The following HIVEP1 variants were observed in gnomAD, a reference collection of about 807,000 sequenced individuals.
HIVEP1 encodes the protein HIVEP zinc finger 1.
HIVEP1 carries 36 observed loss-of-function variants against 180.0 expected under a neutral mutation model. That is an observed-to-expected ratio of 0.20 (90% confidence interval 0.15 to 0.26). The LOEUF (loss-of-function observed/expected upper bound fraction) is 0.26. HIVEP1 is among the 10% of genes least tolerant of loss of function. The pLI is 1.00. For synonymous variants in HIVEP1, 1,239 were observed against 1,239.0 expected, an observed-to-expected ratio of 1.00 and a Z score of 0.00; for missense variants, 3,143 against 3,268.7, an observed-to-expected ratio of 0.96 and a Z score of 0.94.
In HIVEP1 at chr6:12,124,788, C is replaced by T. The variant is rs1301367365; in HGVS notation, c.4993C>T (p.Pro1665Ser). ...ACAAATACTAGTGACCCAAGATCTG[C>T]CCAATCAGCCAATTTGCCAGACTAA... ...LPQILVTQDL[P>S]NQPICQTNHS... Residue 1665 changes from proline to serine, a missense_variant, in exon 4 of 9, where the codon CCC becomes TCC. This residue lies in a region of HIVEP1 where 1,357 missense variants were observed against 1,260.5 expected (regional missense o/e 1.08). Coordinates refer to ENST00000379388, the MANE Select transcript of HIVEP1 (RefSeq NM_002114.4). 1 of 1,614,112 alleles carries T rather than the reference C, an allele frequency of 6.2e-7. No homozygotes were observed. Among genetic ancestry groups the T allele is most frequent in the Non-Finnish European group, 8.5e-7 (1 of 1,179,982 alleles).
At chr6:12,017,956 GC>G (rs1365754015) in intron 2 of HIVEP1, among the ~76,000 whole-genome samples, 2 of 152,216 alleles carry the variant, frequency 1.3e-5, no homozygotes, top group Non-Finnish European at 2.9e-5. Flanking sequence ...ATGGGACTGG[GC>G]GCCTAGGAAC....
intron 2 of HIVEP1, among the ~76,000 whole-genome samples, chr6:12,023,787 G>T (rs1768405225): frequency 6.6e-6 from 1 of 152,104 alleles, no homozygotes; most frequent in Non-Finnish European, 1.5e-5. Context: ...ATTAACCAGA[G>T]TAATGATTTT....
chr6:12,036,194 G>T (rs1235683339), intron 2 of HIVEP1, among the ~76,000 whole-genome samples: 1 of 152,218 alleles, frequency 6.6e-6, no homozygotes. Context: ...GAAGCAAAAA[G>T]ATATTTGTTC....
At chr6:12,016,186 T>G (rs1458854570) in intron 2 of HIVEP1, among the ~76,000 whole-genome samples, 1 of 152,198 alleles carries the variant, frequency 6.6e-6, no homozygotes, top group African/African-American at 2.4e-5. Context: ...GAAGAAGCAG[T>G]GGGTCACAAA....
At chr6:12,129,135 A>G (rs1448919760) in intron 4 of HIVEP1, among the ~76,000 whole-genome samples, 6 of 152,296 alleles carry the variant, frequency 3.9e-5, no homozygotes, top group East Asian at 1.9e-4. Flanking sequence ...TCTTGAGCCC[A>G]GGAGTTTGAG....
the HIVEP1 span, among the ~76,000 whole-genome samples, chr6:12,179,533 T>G: frequency 6.6e-6 from 1 of 152,200 alleles, no homozygotes; most frequent in East Asian, 1.9e-4. Context: ...TATGAGCCAG[T>G]GGTCACCACC....
At chr6:12,155,507 G>A (rs1759981877) in intron 7 of HIVEP1, among the ~76,000 whole-genome samples, 1 of 151,938 alleles carries the variant, frequency 6.6e-6, no homozygotes, top group Admixed American at 6.6e-5. Flanking sequence ...AAAACATGCG[G>A]TATTTGGTTT....
the HIVEP1 span, among the ~76,000 whole-genome samples, chr6:12,209,718 T>C: frequency 2.0e-5 from 3 of 152,222 alleles, no homozygotes; most frequent in Non-Finnish European, 4.4e-5. Flanking sequence ...CGTGTATTGG[T>C]TCATTATACA....
the HIVEP1 span, among the ~76,000 whole-genome samples, chr6:12,178,954 T>C: frequency 6.6e-6 from 1 of 152,216 alleles, no homozygotes; most frequent in Non-Finnish European, 1.5e-5. Flanking sequence ...CCAAGACATG[T>C]TTTGAGATAA....
rs367630527 is a variant in HIVEP1, at chr6:12,023,305, T to G, written c.40+7637T>G. ...TTTACTTGTTATGTAGGGATTATCT[T>G]GTTGAGCTGATAAGTGGAGTAGGTT... On this transcript the variant is annotated intron_variant, in intron 2 of 8. Transcript: ENST00000379388. Among the ~76,000 whole-genome samples the G allele has an allele frequency of 4.6e-4, 70 of 152,342 alleles. 1 individual carries two copies. In the South Asian group the frequency reaches 0.012, roughly 27 times the overall value.
intron 2 of HIVEP1, among the ~76,000 whole-genome samples, chr6:12,025,791 G>A (rs1056886233): frequency 3.9e-5 from 6 of 152,346 alleles, no homozygotes; most frequent in African/African-American, 1.4e-4. Context: ...TGTAATCCCA[G>A]CACTTTGGGA....
At chr6:12,059,552 C>G (rs1268471928) in intron 2 of HIVEP1, among the ~76,000 whole-genome samples, 2 of 152,202 alleles carry the variant, frequency 1.3e-5, no homozygotes, top group Non-Finnish European at 2.9e-5. Context: ...ATGATCTTGA[C>G]TGCTTCTTCT....
In HIVEP1 at chr6:12,122,999, C is replaced by T. The variant is rs114781166; in HGVS notation, c.3204C>T (p.Pro1068=). 21,385 of 1,614,152 alleles carry T rather than the reference C, an allele frequency of 0.013. 175 individuals carry two copies. Among genetic ancestry groups the T allele is most frequent in the Non-Finnish European group, 0.017 (19,675 of 1,179,994 alleles). The change falls in exon 4 of 9, where the codon CCC becomes CCT. Residue 1068 remains proline, a synonymous_variant. Transcript: ENST00000379388. ...TTCAGAATGCTCTGGGCTGTAATCCCAGTTTGCCTAAACATAATGTTACCA... is the reference window on the plus strand; with the variant it reads ...TTCAGAATGCTCTGGGCTGTAATCCTAGTTTGCCTAAACATAATGTTACCA... ...LQFQNALGCN[P]SLPKHNVTIR... is the part of the protein sequence containing the mutation.
chr6:12,129,139 G>A (rs1758268307), intron 4 of HIVEP1, among the ~76,000 whole-genome samples: 1 of 152,190 alleles, frequency 6.6e-6, no homozygotes, highest in African/African-American at 2.4e-5. Context: ...GAGCCCAGGA[G>A]TTTGAGGCTG....
At chr6:12,178,071 T>C in the HIVEP1 span, among the ~76,000 whole-genome samples, 3 of 152,176 alleles carry the variant, frequency 2.0e-5, no homozygotes, top group Non-Finnish European at 4.4e-5. Context: ...GGGAAAGGCT[T>C]GCAGGTAAGA....
Position 12,080,378 on chromosome 6 carries a change from CT to C in HIVEP1, c.41-8803del, listed in dbSNP as rs201432885. Among the ~76,000 whole-genome samples, 1,080 of 152,270 alleles carry C rather than the reference CT, an allele frequency of 7.1e-3. 8 individuals are homozygous for C. The highest frequency in any genetic ancestry group is 0.024 in the African/African-American group (1,018 of 41,564). ...ACATATTTAGTATAAGGGGGAACTT[CT>C]TTCCCCCACTATTAAAAGTGCAGTT... On this transcript the variant is annotated intron_variant, in intron 2 of 8. Coordinates refer to ENST00000379388, the MANE Select transcript of HIVEP1 (RefSeq NM_002114.4).
chr6:12,196,622 A>G, the HIVEP1 span, among the ~76,000 whole-genome samples: 7 of 152,116 alleles, frequency 4.6e-5, no homozygotes, highest in African/African-American at 1.7e-4. Context: ...TCCTGCTTCA[A>G]AAATCCTTCC....
At chr6:12,136,501 A>G (rs1466180871) in intron 7 of HIVEP1, among the ~76,000 whole-genome samples, 8 of 152,128 alleles carry the variant, frequency 5.3e-5, no homozygotes, top group Admixed American at 1.3e-4. Context: ...GTATTTTACA[A>G]TTTCCTCCCT....
At chr6:12,134,727 G>A (rs1758612632) in intron 6 of HIVEP1, among the ~76,000 whole-genome samples, 1 of 152,068 alleles carries the variant, frequency 6.6e-6, no homozygotes, top group South Asian at 2.1e-4. Flanking sequence ...AAGAATATGA[G>A]CTGTTTCCCC....
Sources: gnomAD v4.1 joint callset for allele counts (sites outside exome capture counted in the v4.1 genomes callset) on GRCh38, gnomAD v4.1.1 for gene constraint, gnomAD v4.1.1 regional missense constraint, MANE v1.5 for transcripts, NCBI Gene and HGNC (gene_info 2026-07-23, HGNC 2026-07-21) for gene names.